GALNT17: variants seen among roughly 807,000 people sequenced by gnomAD.
GALNT17 encodes polypeptide N-acetylgalactosaminyltransferase 17, also known as UDP-GalNAc:polypeptide N-acetylgalactosaminyltransferase-like 3.
In GALNT17, 29 loss-of-function variants were observed where a neutral mutation model predicts 63.7. That is an observed-to-expected ratio of 0.46 (90% CI 0.34 to 0.62). The LOEUF is 0.62. GALNT17 is among the 20% of genes least tolerant of loss of function. The pLI, the probability that GALNT17 is intolerant of heterozygous loss-of-function variation, is 0.01. For missense variants in GALNT17, 603 were observed against 799.6 expected, an observed-to-expected ratio of 0.75 and a Z score of 2.97; for synonymous variants, 305 against 318.3, an observed-to-expected ratio of 0.96 and a Z score of 0.45.
At chr7:71,263,163 T>A (rs1023259596) in intron 1 of GALNT17, among the ~76,000 whole-genome samples, 56 of 151,970 alleles carry the variant, frequency 3.7e-4, no homozygotes, top group Admixed American at 2.7e-3. Flanking sequence ...ATTGAGACCA[T>A]CCTGGCTAAC....
chr7:71,372,458 C>T (rs1342266552), intron 2 of GALNT17, among the ~76,000 whole-genome samples: 2 of 152,168 alleles, frequency 1.3e-5, no homozygotes, highest in African/African-American at 4.8e-5. Flanking sequence ...AGCCACCATG[C>T]CCAGCATGTT....
intron 2 of GALNT17, among the ~76,000 whole-genome samples, chr7:71,370,972 C>A (rs918385968): frequency 6.6e-6 from 1 of 152,120 alleles, no homozygotes; most frequent in Non-Finnish European, 1.5e-5. Flanking sequence ...AGTTGGAGGT[C>A]CCCTTTAGTG....
At chr7:71,302,617 G>T (rs749697864) in intron 1 of GALNT17, among the ~76,000 whole-genome samples, 1 of 152,076 alleles carries the variant, frequency 6.6e-6, no homozygotes, top group Non-Finnish European at 1.5e-5. Flanking sequence ...CTCATAGAAC[G>T]TCACTGTAAT....
intron 1 of GALNT17, among the ~76,000 whole-genome samples, chr7:71,160,268 G>A (rs28626577): frequency 0.084 from 12,713 of 152,092 alleles, 676 homozygotes; most frequent in African/African-American, 0.14. Context: ...TGTCCTATAT[G>A]TTCCCTTAAC....
chr7:71,626,180 G>T (rs1310518425), intron 6 of GALNT17, among the ~76,000 whole-genome samples: 1 of 150,748 alleles, frequency 6.6e-6, no homozygotes, highest in African/African-American at 2.4e-5. Context: ...GGAGGTGGAG[G>T]TTGCAGTGAG....
rs971569888 is a variant in GALNT17, at chr7:71,472,417, G to T, written c.962+51312G>T. Among the ~76,000 whole-genome samples, 3 of 152,252 alleles carry T rather than the reference G, an allele frequency of 2.0e-5. No individual in the cohort carries two copies. The East Asian group carries it at 5.8e-4, about 29-fold the overall frequency. ...TTAAAAGTTATTTAGGGCTGGGCGC[G>T]GTGGCTCATGCCTGTAATCCTGGCA... is the stretch of plus-strand genomic sequence containing the variant. On this transcript the variant is annotated intron_variant, in intron 5 of 10. Transcript: ENST00000333538.
At chr7:71,268,399 A>T (rs1047180167) in intron 1 of GALNT17, among the ~76,000 whole-genome samples, 6 of 151,320 alleles carry the variant, frequency 4.0e-5, no homozygotes, top group African/African-American at 1.2e-4. Flanking sequence ...AAAAAAAAAA[A>T]AAATTAGCCA....
At chr7:71,156,616 T>TCCTTCCTTCCTTCCTTCCTTCCTTCCTC (rs1419449706) in intron 1 of GALNT17, among the ~76,000 whole-genome samples, 25 of 143,652 alleles carry the variant, frequency 1.7e-4, no homozygotes, top group African/African-American at 6.2e-4. Context: ...CTTCCTTCCT[T>TCCTTCCTTCCTTCCTTCCTTCCTTCCTC]CCTCCATTCT....
intron 5 of GALNT17, among the ~76,000 whole-genome samples, chr7:71,521,677 G>T (rs1788533660): frequency 6.6e-6 from 1 of 152,166 alleles, no homozygotes; most frequent in South Asian, 2.1e-4. Flanking sequence ...CCTGAGCCCA[G>T]TGGATTTCAC....
intron 5 of GALNT17, among the ~76,000 whole-genome samples, chr7:71,523,563 T>G (rs1038762468): frequency 6.6e-6 from 1 of 151,876 alleles, no homozygotes; most frequent in Non-Finnish European, 1.5e-5. Flanking sequence ...GAGATCAGCC[T>G]GGACATGATA....
intron 5 of GALNT17, among the ~76,000 whole-genome samples, chr7:71,442,475 A>G (rs1787085811): frequency 6.6e-6 from 1 of 152,192 alleles, no homozygotes; most frequent in Admixed American, 6.5e-5. Flanking sequence ...CTGGGATTAC[A>G]GGCGTGAGCC....
chr7:71,401,377 G>C (rs2960882), intron 3 of GALNT17, among the ~76,000 whole-genome samples: 5 of 152,066 alleles, frequency 3.3e-5, no homozygotes, highest in Non-Finnish European at 5.9e-5. Flanking sequence ...GATTACAGGC[G>C]TGAGCCACCA....
intron 5 of GALNT17, among the ~76,000 whole-genome samples, chr7:71,493,446 A>T (rs1244187482): frequency 6.6e-6 from 1 of 152,162 alleles, no homozygotes; most frequent in Non-Finnish European, 1.5e-5. Flanking sequence ...AAAGAAAAAG[A>T]AGTTTAATGG....
chr7:71,393,697 G>A (rs1420684274), intron 3 of GALNT17, among the ~76,000 whole-genome samples: 2 of 152,166 alleles, frequency 1.3e-5, no homozygotes, highest in African/African-American at 4.8e-5. Context: ...CAGACGAGAT[G>A]AGACTGCAGA....
At chr7:71,617,947 G>A (rs1429413439) in intron 6 of GALNT17, among the ~76,000 whole-genome samples, 3 of 151,890 alleles carry the variant, frequency 2.0e-5, no homozygotes, top group Non-Finnish European at 2.9e-5. Context: ...GCGCCCAGCC[G>A]ATAGATCGTT....
intron 9 of GALNT17, among the ~76,000 whole-genome samples, chr7:71,691,850 AATC>A: frequency 6.7e-6 from 1 of 149,216 alleles, no homozygotes; most frequent in Admixed American, 6.8e-5. Context: ...CTCTTTTTTT[AATC>A]TTTTCTTTCT....
At chr7:71,448,382 C>G (rs1377243010) in intron 5 of GALNT17, among the ~76,000 whole-genome samples, 1 of 149,250 alleles carries the variant, frequency 6.7e-6, no homozygotes, top group African/African-American at 2.5e-5. Context: ...TGTGTGTGGT[C>G]TCTATTTTTG....
At chr7:71,600,508 T>C (rs1313702876) in intron 6 of GALNT17, among the ~76,000 whole-genome samples, 2 of 152,098 alleles carry the variant, frequency 1.3e-5, no homozygotes, top group East Asian at 3.9e-4. Flanking sequence ...CCCAGTGGTC[T>C]GAGTGCTCAC....
chr7:71,259,805 C>A (rs966520197), intron 1 of GALNT17, among the ~76,000 whole-genome samples: 3 of 151,892 alleles, frequency 2.0e-5, no homozygotes, highest in African/African-American at 7.3e-5. Context: ...CCACGCCTGG[C>A]TAATTTTTTG....
Sources: gnomAD v4.1 joint callset for allele counts (sites outside exome capture counted in the v4.1 genomes callset) on GRCh38, gnomAD v4.1.1 for gene constraint, MANE v1.5 for transcripts, NCBI Gene and HGNC (gene_info 2026-07-23, HGNC 2026-07-21) for gene names.